Variants in RBPJ observed in about 807,000 individuals in gnomAD.
RBPJ encodes the protein recombining binding protein suppressor of hairless.
Under a neutral mutation model 67.8 loss-of-function variants are expected in RBPJ, and 9 were observed. That is an observed-to-expected ratio of 0.13 (90% CI 0.08 to 0.23). The LOEUF (loss-of-function observed/expected upper bound fraction) is 0.23. Among genes scored for constraint, RBPJ ranks in the 10% least tolerant of loss-of-function variants. RBPJ has a pLI of 1.00. For synonymous variants in RBPJ, 198 were observed against 203.3 expected, an observed-to-expected ratio of 0.97 and a Z score of 0.22; for missense variants, 305 against 595.6, an observed-to-expected ratio of 0.51 and a Z score of 5.08.
intron 1 of RBPJ, among the ~76,000 whole-genome samples, chr4:26,294,345 C>T (rs1038419289): frequency 5.9e-5 from 9 of 152,256 alleles, no homozygotes; most frequent in Middle Eastern, 3.4e-3. Flanking sequence ...GATCCACCCG[C>T]CTTGGCCTCC....
At chr4:26,422,939 G>C (rs1735291067) in intron 5 of RBPJ, among the ~76,000 whole-genome samples, 1 of 152,136 alleles carries the variant, frequency 6.6e-6, no homozygotes, top group African/African-American at 2.4e-5. Flanking sequence ...CTACCACTTA[G>C]TACAGTTTAT....
At chr4:26,146,004 A>C in the RBPJ span, among the ~76,000 whole-genome samples, 11 of 152,236 alleles carry the variant, frequency 7.2e-5, no homozygotes, top group African/African-American at 2.7e-4. Flanking sequence ...TCGTATGATC[A>C]TAGGTCACTA....
chr4:26,116,291 A>G, the RBPJ span, among the ~76,000 whole-genome samples: 1 of 152,228 alleles, frequency 6.6e-6, no homozygotes, highest in Non-Finnish European at 1.5e-5. Context: ...CCTTTCTATC[A>G]TTGCTGCCTG....
At chr4:26,198,756 A>G (rs1717876166) in intron 1 of RBPJ, among the ~76,000 whole-genome samples, 1 of 152,202 alleles carries the variant, frequency 6.6e-6, no homozygotes. Flanking sequence ...GTTTTTAACC[A>G]TAATACCATC....
intron 1 of RBPJ, among the ~76,000 whole-genome samples, chr4:26,207,193 T>C (rs770616570): frequency 2.6e-4 from 39 of 152,222 alleles, no homozygotes; most frequent in Non-Finnish European, 7.3e-5. Flanking sequence ...GATGGTGCTT[T>C]GTAAACCAGT....
chr4:26,186,090 A>T (rs1717243851), intron 1 of RBPJ, among the ~76,000 whole-genome samples: 1 of 151,980 alleles, frequency 6.6e-6, no homozygotes, highest in East Asian at 1.9e-4. Context: ...ACAGGAATGG[A>T]ACTACTACTG....
intron 1 of RBPJ, among the ~76,000 whole-genome samples, chr4:26,171,246 A>G (rs942867472): frequency 6.6e-6 from 1 of 152,236 alleles, no homozygotes; most frequent in African/African-American, 2.4e-5. Flanking sequence ...AAAATAGAAT[A>G]TCACTACCAC....
intron 1 of RBPJ, among the ~76,000 whole-genome samples, chr4:26,322,646 C>T (rs751826037): frequency 1.4e-5 from 2 of 140,046 alleles, no homozygotes; most frequent in Non-Finnish European, 3.1e-5. Context: ...AAAAAGTATA[C>T]GTATAATATG....
intron 4 of RBPJ, among the ~76,000 whole-genome samples, chr4:26,416,395 T>A (rs1251925235): frequency 6.6e-6 from 1 of 152,088 alleles, no homozygotes; most frequent in Non-Finnish European, 1.5e-5. Flanking sequence ...TCCAGCTAAC[T>A]TTTTTGTATT....
At chr4:26,295,124 G>A (rs1226157756) in intron 1 of RBPJ, among the ~76,000 whole-genome samples, 3 of 152,066 alleles carry the variant, frequency 2.0e-5, no homozygotes, top group Non-Finnish European at 4.4e-5. Context: ...ATTTCAGCAG[G>A]GAAATGACAA....
At chr4:26,404,558 A>G (rs970446224) in intron 2 of RBPJ, among the ~76,000 whole-genome samples, 2 of 152,232 alleles carry the variant, frequency 1.3e-5, no homozygotes, top group Non-Finnish European at 2.9e-5. Context: ...TGAATTCCTG[A>G]CTGCCACTGT....
chr4:26,363,440 T>C (rs2109508517), intron 1 of RBPJ, among the ~76,000 whole-genome samples: 1 of 150,934 alleles, frequency 6.6e-6, no homozygotes, highest in South Asian at 2.1e-4. Context: ...GCCCAGCCTA[T>C]TATTTATTTT....
At chr4:26,219,870 G>A (rs1718843726) in intron 1 of RBPJ, among the ~76,000 whole-genome samples, 1 of 152,022 alleles carries the variant, frequency 6.6e-6, no homozygotes, top group African/African-American at 2.4e-5. Context: ...CCACCTGCCG[G>A]GTTCATGCCA....
chr4:26,393,706 C>T (rs975362147), intron 2 of RBPJ, among the ~76,000 whole-genome samples: 1 of 151,652 alleles, frequency 6.6e-6, no homozygotes, highest in Non-Finnish European at 1.5e-5. Context: ...TTTTTTTTTC[C>T]TCCATTTCTC....
intron 1 of RBPJ, among the ~76,000 whole-genome samples, chr4:26,204,987 G>A (rs959947959): frequency 6.6e-6 from 1 of 152,148 alleles, no homozygotes; most frequent in African/African-American, 2.4e-5. Context: ...CTTTCCAAAG[G>A]GATGTGCCAA....
At chr4:26,274,745 G>A (rs111227022) in intron 1 of RBPJ, among the ~76,000 whole-genome samples, 91 of 152,276 alleles carry the variant, frequency 6.0e-4, no homozygotes, top group African/African-American at 2.1e-3. Flanking sequence ...AGACCAGCCT[G>A]CTCAACATGG....
chr4:26,244,443 G>GTGCGCATGTGTGTGTATATA (rs1324191065), intron 1 of RBPJ, among the ~76,000 whole-genome samples: 1 of 52,790 alleles, frequency 1.9e-5, no homozygotes, highest in African/African-American at 7.6e-5. Flanking sequence ...ATACATATGT[G>GTGCGCATGTGTGTGTATATA]TGTATACATA....
chr4:26,354,227 G>A (rs1334352163), intron 1 of RBPJ, among the ~76,000 whole-genome samples: 3 of 152,052 alleles, frequency 2.0e-5, no homozygotes, highest in African/African-American at 4.8e-5. Context: ...CACCCCGCCC[G>A]GCCATATTCT....
the RBPJ span, among the ~76,000 whole-genome samples, chr4:26,130,988 G>A: frequency 5.8e-4 from 88 of 152,340 alleles, no homozygotes; most frequent in African/African-American, 2.0e-3. Flanking sequence ...GATGGCTTGG[G>A]ATCTTCTAAG....
Sources: allele counts gnomAD v4.1 joint callset (sites outside exome capture counted in the v4.1 genomes callset), GRCh38; gene constraint gnomAD v4.1.1; transcripts MANE v1.5; gene names NCBI Gene and HGNC (gene_info 2026-07-23, HGNC 2026-07-21).